STARD5: variants seen among roughly 807,000 people sequenced by gnomAD.
STARD5 encodes stAR-related lipid transfer protein 5.
Under a neutral mutation model 24.6 loss-of-function variants are expected in STARD5, and 26 were observed. That is an observed-to-expected ratio of 1.06 (90% CI 0.77 to 1.47). The LOEUF is 1.47. Ranked by LOEUF, STARD5 falls within the 40% of genes most tolerant of loss-of-function variation. The probability of loss-of-function intolerance (pLI) is 0.00; values close to 1 mark genes in which losing one functional copy is unlikely to be tolerated. For missense variants in STARD5, 254 were observed against 270.8 expected (o/e 0.94, Z 0.44); for synonymous variants, 101 against 99.7 (o/e 1.01, Z -0.07).
At chr15:81,315,109 C>T (rs138513286) in intron 5 of STARD5, among the ~76,000 whole-genome samples, 9 of 151,992 alleles carry the variant, frequency 5.9e-5, no homozygotes, top group African/African-American at 1.9e-4. Context: ...TAGCATCATC[C>T]GCACTCCACC....
intron 3 of STARD5, 152 bp from the exon 4 acceptor site, chr15:81,319,608 C>G (rs1338493259): frequency 1.4e-6 from 1 of 725,580 alleles, no homozygotes; most frequent in Non-Finnish European, 2.4e-6. Flanking sequence ...TTCCCAGGAA[C>G]TGGGTGTCAT....
chr15:81,314,913 A>AAAAAAAAT, intron 5 of STARD5, among the ~76,000 whole-genome samples: 1 of 141,964 alleles, frequency 7.0e-6, no homozygotes, highest in East Asian at 2.0e-4. Context: ...AAAAAAAAAA[A>AAAAAAAAT]AAGAATCTCA....
At chr15:81,321,673 T>C (rs1173765910) in intron 3 of STARD5, among the ~76,000 whole-genome samples, 3 of 152,130 alleles carry the variant, frequency 2.0e-5, no homozygotes, top group Admixed American at 2.0e-4. Flanking sequence ...TCTATTTCTA[T>C]GCATATTTAT....
chr15:81,317,560 A>G (rs1306151947), intron 5 of STARD5, among the ~76,000 whole-genome samples: 1 of 152,200 alleles, frequency 6.6e-6, no homozygotes, highest in African/African-American at 2.4e-5. Context: ...AAGTCTTCAC[A>G]TGATGTCTGA....
At chr15:81,320,880 A>C (rs1385557582) in intron 3 of STARD5, among the ~76,000 whole-genome samples, 1 of 152,238 alleles carries the variant, frequency 6.6e-6, no homozygotes, top group Admixed American at 6.5e-5. Context: ...ACATGTCATA[A>C]ATGCGACAAA....
intron 4 of STARD5, 118 bp from the exon 5 acceptor site, chr15:81,318,620 T>C (rs1171740879): frequency 1.2e-6 from 1 of 854,446 alleles, no homozygotes; most frequent in Non-Finnish European, 1.8e-6. Flanking sequence ...TGTGAGGGAC[T>C]CCTGCCTCTT....
intron 3 of STARD5, among the ~76,000 whole-genome samples, chr15:81,320,135 T>C (rs1000698066): frequency 6.6e-6 from 1 of 152,066 alleles, no homozygotes; most frequent in African/African-American, 2.4e-5. Flanking sequence ...GGGCCCAGGC[T>C]CTCTCGAGGT....
intron 1 of STARD5, 194 bp downstream of exon 1, chr15:81,323,807 G>T (rs1437753266): frequency 1.4e-6 from 1 of 709,660 alleles, no homozygotes; most frequent in Admixed American, 2.4e-5. Context: ...CTTACCACCT[G>T]AAGTCATTGT....
At chr15:81,321,891 G>C (rs540108928) in intron 3 of STARD5, among the ~76,000 whole-genome samples, 89 of 151,622 alleles carry the variant, frequency 5.9e-4, no homozygotes, top group South Asian at 3.7e-3. Context: ...GTTCAAAACT[G>C]AGATTTACAT....
At position 81,319,618 on chromosome 15, in the gene STARD5, T is replaced by C. The variant is rs555398397; in HGVS notation, c.283-162A>G. ...GAGTCTTCCCAGGAACTGGGTGTCA[T>C]GGAAATACACCCAGTTTGTAAGACG... On this transcript the variant is annotated intron_variant, in intron 3 of 5. Transcript: ENST00000302824. Among the ~76,000 whole-genome samples the C allele has an allele frequency of 1.8e-4, 28 of 152,254 alleles. No individual in the cohort carries two copies. In the South Asian group the frequency reaches 5.0e-3, roughly 27 times the overall value.
rs1900776391 is a variant in STARD5 at position 81,310,104 on chromosome 15, T to G, written c.*3152A>C. On this transcript the variant is annotated 3_prime_UTR_variant, in exon 6 of 6. Coordinates refer to ENST00000302824, the MANE Select transcript of STARD5 (RefSeq NM_181900.3). ...GACTTTGCATCAGCAACAACCAGCA[T>G]CCCTTGACCAGGCCTGGGCCAGAGT... The G allele has an allele frequency of 6.6e-6, 1 of 152,206 alleles. No homozygotes were observed. The highest frequency in any genetic ancestry group is 1.5e-5 in the Non-Finnish European group (1 of 68,038). 9.4% of individuals were successfully genotyped at this position (152,206 alleles called of 1,614,324 possible).
chr15:81,312,530 T>C lies in STARD5; in HGVS notation c.*726A>G, dbSNP rs3726. 0.47 allele frequency: 71,008 copies of C among 152,194 alleles called. 18,067 individuals carry two copies. Among genetic ancestry groups the C allele is most frequent in the African/African-American group, 0.69 (28,435 of 41,504 alleles). 9.4% of individuals were successfully genotyped at this position (152,194 alleles called of 1,614,324 possible). A position where few individuals can be genotyped will look rare whatever the true frequency, so the allele number is the denominator to read the frequency against. Reference sequence around the variant, plus strand: ...TGCGTGCTCAGTTCAGAATCACTTCTGAGAACTCATCCCTAATGCTGCAGA... The same window carrying C: ...TGCGTGCTCAGTTCAGAATCACTTCCGAGAACTCATCCCTAATGCTGCAGA... On this transcript the variant is annotated 3_prime_UTR_variant, in exon 6 of 6. Coordinates refer to ENST00000302824, the MANE Select transcript of STARD5 (RefSeq NM_181900.3).
rs760582530 is a variant in STARD5 at position 81,323,940 on chromosome 15, T to C, written c.99+61A>G. On this transcript the variant is annotated intron_variant, in intron 1 of 5. Transcript: ENST00000302824. Reference sequence around the variant, plus strand: ...GGGAGAGGAGGCGCTTGGGGGCTTCTGGGGACCCGGGCTCCACGAAGCCGT... The same window carrying C: ...GGGAGAGGAGGCGCTTGGGGGCTTCCGGGGACCCGGGCTCCACGAAGCCGT... 2.6e-6 allele frequency: 4 copies of C among 1,526,480 alleles called. No individual in the cohort carries two copies. The African/African-American group carries it at 4.1e-5, about 16-fold the overall frequency. The allele number at this position is 1,526,480 out of a possible 1,614,324, so 94.6% of individuals were successfully genotyped here. A position where few individuals can be genotyped will look rare whatever the true frequency, so the allele number is the denominator to read the frequency against.
intron 3 of STARD5, among the ~76,000 whole-genome samples, chr15:81,321,697 G>C (rs1465825066): frequency 1.3e-5 from 2 of 152,018 alleles, no homozygotes; most frequent in African/African-American, 4.8e-5. Context: ...GCAAGATGAT[G>C]ACTTCCAAGA....
Position 81,312,666 on chromosome 15 carries a change from T to A in STARD5, c.*590A>T, listed in dbSNP as rs1284424453. The A allele has an allele frequency of 6.6e-6, 1 of 152,268 alleles. No homozygotes were observed. The highest frequency in any genetic ancestry group is 1.5e-5 in the Non-Finnish European group (1 of 68,054). The allele number at this position is 152,268 out of a possible 1,614,324, so 9.4% of individuals were successfully genotyped here. ...CATCAAATGGAAGACACATTGAAAG[T>A]GTTTTTCCTTAATGCTTATCCTGTT... On this transcript the variant is annotated 3_prime_UTR_variant, in exon 6 of 6. Coordinates refer to ENST00000302824, the MANE Select transcript of STARD5 (RefSeq NM_181900.3).
chr15:81,321,154 C>A (rs1901186877), intron 3 of STARD5, among the ~76,000 whole-genome samples: 1 of 152,170 alleles, frequency 6.6e-6, no homozygotes, highest in African/African-American at 2.4e-5. Context: ...AAGTTTGTAT[C>A]TTTTCATGGG....
At chr15:81,316,686 G>T (rs557371574) in intron 5 of STARD5, among the ~76,000 whole-genome samples, 1 of 152,272 alleles carries the variant, frequency 6.6e-6, no homozygotes, top group East Asian at 1.9e-4. Flanking sequence ...GTCCAGAATA[G>T]GCCTATCTTC....
intron 2 of STARD5, 115 bp downstream of exon 2, chr15:81,322,784 A>G: frequency 7.1e-7 from 1 of 1,413,056 alleles, no homozygotes; most frequent in Non-Finnish European, 9.9e-7. Context: ...GCTTTTCTGG[A>G]GGACAAGTGA....
At chr15:81,316,409 T>C (rs75762033) in intron 5 of STARD5, among the ~76,000 whole-genome samples, 8,585 of 152,304 alleles carry the variant, frequency 0.056, 320 homozygotes, top group East Asian at 0.16. Context: ...CATCAATATC[T>C]GGGTTAAGAG....
Sources: allele counts gnomAD v4.1 joint callset (sites outside exome capture counted in the v4.1 genomes callset), GRCh38; gene constraint gnomAD v4.1.1; transcripts MANE v1.5; gene names NCBI Gene and HGNC (gene_info 2026-07-23, HGNC 2026-07-21).